The following PUS10 variants were observed in gnomAD, a reference collection of about 807,000 sequenced individuals.
The protein encoded by PUS10 is pseudouridine synthase 10.
PUS10 carries 59 observed loss-of-function variants against 75.0 expected under a neutral mutation model. The ratio of observed to expected loss-of-function variants is 0.79; its 90% CI spans 0.64 to 0.98. The LOEUF (loss-of-function observed/expected upper bound fraction) is 0.98, where lower values mean the gene tolerates loss of function less well. Among genes scored for constraint, PUS10 ranks in the 50% least tolerant of loss-of-function variants. The probability of loss-of-function intolerance (pLI) is 0.00; values close to 1 mark genes in which losing one functional copy is unlikely to be tolerated. For missense variants in PUS10, 650 were observed against 614.4 expected (o/e 1.06, Z -0.61); for synonymous variants, 219 against 211.6 (o/e 1.03, Z -0.30).
chr2:61,002,800 T>G (rs975822061), intron 4 of PUS10, among the ~76,000 whole-genome samples: 1 of 152,228 alleles, frequency 6.6e-6, no homozygotes, highest in Non-Finnish European at 1.5e-5. Flanking sequence ...TAATCTCAAA[T>G]TTATTATTAA....
rs548045011 is a variant in PUS10 at position 60,956,563 on chromosome 2, C to G, written c.1001-1489G>C. 7.8e-4 allele frequency among the ~76,000 whole-genome samples: 119 copies of G among 152,312 alleles called. 1 individual carries two copies. Among genetic ancestry groups the G allele is most frequent in the African/African-American group, 2.8e-3 (115 of 41,568 alleles). On this transcript the variant is annotated intron_variant, in intron 11 of 17. Coordinates refer to ENST00000316752, the MANE Select transcript of PUS10 (RefSeq NM_144709.4). ...AATTCATAAGTCAGCCATAAAACTTCCCACAAATTCCAGCCCATCAGTAAG... is the reference window on the plus strand; with the variant it reads ...AATTCATAAGTCAGCCATAAAACTTGCCACAAATTCCAGCCCATCAGTAAG...
Position 60,955,059 on chromosome 2 carries a change from G to A in PUS10, c.1016C>T (p.Ser339Phe). The change falls in exon 12 of 18, where the codon TCC becomes TTC. Residue 339 changes from serine (S) to phenylalanine (F), a missense_variant. Physicochemically the swap from Ser to Phe is radical, Grantham distance 155 (BLOSUM62 -2). Transcript: ENST00000316752. ...CACATCTACATCTTCTCTTCCAGAG[G>A]ATGAAAAATTAAAACCTTTGAAAAG... ...VFKAESFNFSSSGREDVDVRT... is the reference protein window; with the variant it reads ...VFKAESFNFSFSGREDVDVRT... 2 of 1,593,166 alleles carry A rather than the reference G, an allele frequency of 1.3e-6. No homozygotes were observed. Among genetic ancestry groups the A allele is most frequent in the Non-Finnish European group, 1.7e-6 (2 of 1,170,056 alleles).
intron 4 of PUS10, among the ~76,000 whole-genome samples, chr2:60,974,806 T>C (rs865965069): frequency 2.0e-5 from 3 of 152,244 alleles, no homozygotes; most frequent in South Asian, 2.1e-4. Context: ...GACCCCATGC[T>C]CACTCACACA....
intron 4 of PUS10, among the ~76,000 whole-genome samples, chr2:61,000,416 T>C (rs1207039708): frequency 1.3e-5 from 2 of 152,156 alleles, no homozygotes; most frequent in Non-Finnish European, 2.9e-5. Flanking sequence ...AATTTAGTGG[T>C]TTAAAACAAC....
At chr2:61,016,783 C>A (rs1248276492) in intron 1 of PUS10, among the ~76,000 whole-genome samples, 1 of 152,142 alleles carries the variant, frequency 6.6e-6, no homozygotes, top group Non-Finnish European at 1.5e-5. Flanking sequence ...GAAAAACTAG[C>A]GAAATGACCA....
At position 61,011,802 on chromosome 2, in the gene PUS10, C is replaced by G; in HGVS notation, c.89G>C (p.Gly30Ala). 1.2e-6 allele frequency: 2 copies of G among 1,607,954 alleles called. No individual in the cohort carries two copies. The highest frequency in any genetic ancestry group is 1.7e-6 in the Non-Finnish European group (2 of 1,177,186). Residue 30 changes from glycine (G) to alanine (A), a missense_variant, in exon 2 of 18, where the codon GGT becomes GCT. Gly to Ala is a moderately conservative substitution (Grantham distance 60, BLOSUM62 0). Coordinates refer to ENST00000316752, the MANE Select transcript of PUS10 (RefSeq NM_144709.4). ...TTTGTAAGGTGCATGAAAATCCACA[C>G]CACAGAATCTGAAGATACATCTTGG... The part of the protein sequence containing the change: ...TCPRCIFRFC[G>A]VDFHAPYKLP...
intron 4 of PUS10, among the ~76,000 whole-genome samples, chr2:60,989,448 G>A (rs887742904): frequency 6.6e-6 from 1 of 152,086 alleles, no homozygotes; most frequent in Admixed American, 6.6e-5. Flanking sequence ...GAAAGATGAT[G>A]ACATACACAC....
At chr2:60,943,671 C>A (rs766577397) in intron 17 of PUS10, among the ~76,000 whole-genome samples, 1 of 151,570 alleles carries the variant, frequency 6.6e-6, no homozygotes, top group Non-Finnish European at 1.5e-5. Context: ...TATTTTTGTT[C>A]TGTTTCAGAA....
In PUS10 at chr2:61,008,370, A is replaced by C. The variant is rs374904864; in HGVS notation, c.381+391T>G. Among the ~76,000 whole-genome samples the C allele has an allele frequency of 9.2e-5, 14 of 152,210 alleles. No homozygotes were observed. In the East Asian group the frequency reaches 2.3e-3, roughly 25 times the overall value. ...GAAACCCTGTCTCTACTAAAAATAC[A>C]AAATTAGCCAGGCATGAGGCTGAGG... On this transcript the variant is annotated intron_variant, in intron 3 of 17. Transcript: ENST00000316752.
At chr2:61,002,070 C>G (rs1380428178) in intron 4 of PUS10, among the ~76,000 whole-genome samples, 1 of 152,150 alleles carries the variant, frequency 6.6e-6, no homozygotes, top group Non-Finnish European at 1.5e-5. Context: ...CCCCACCATC[C>G]TTTAGGAAAA....
At chr2:60,975,173 G>C (rs1676955307) in intron 4 of PUS10, among the ~76,000 whole-genome samples, 1 of 152,136 alleles carries the variant, frequency 6.6e-6, no homozygotes, top group South Asian at 2.1e-4. Flanking sequence ...TTGAGACGGA[G>C]CCTCACTCTG....
intron 11 of PUS10, among the ~76,000 whole-genome samples, chr2:60,955,704 A>T (rs1321051932): frequency 1.3e-5 from 2 of 152,216 alleles, no homozygotes; most frequent in East Asian, 3.8e-4. Context: ...CAGAAAAGTT[A>T]GGTAATGTTC....
chr2:61,015,900 G>C (rs541042850), intron 1 of PUS10, among the ~76,000 whole-genome samples: 4 of 152,014 alleles, frequency 2.6e-5, no homozygotes, highest in African/African-American at 9.7e-5. Context: ...GTTACTCTAA[G>C]TTATTTTTTC....
At chr2:61,004,367 G>A (rs1679057424) in intron 4 of PUS10, among the ~76,000 whole-genome samples, 1 of 152,192 alleles carries the variant, frequency 6.6e-6, no homozygotes, top group Non-Finnish European at 1.5e-5. Context: ...GCTCACGCCT[G>A]TAATTCCAGC....
chr2:61,008,244 C>T (rs961285546), intron 3 of PUS10, among the ~76,000 whole-genome samples: 11 of 152,048 alleles, frequency 7.2e-5, no homozygotes, highest in African/African-American at 2.2e-4. Context: ...AAAATTAGGG[C>T]TGGGCACAGT....
At chr2:60,956,818 C>CAA (rs1271835532) in intron 11 of PUS10, among the ~76,000 whole-genome samples, 1 of 150,928 alleles carries the variant, frequency 6.6e-6, no homozygotes, top group Admixed American at 6.6e-5. Context: ...ACTAAAAATA[C>CAA]AAAAAAATTA....
intron 4 of PUS10, among the ~76,000 whole-genome samples, chr2:60,986,405 A>T (rs1176250038): frequency 6.6e-6 from 1 of 152,212 alleles, no homozygotes; most frequent in Non-Finnish European, 1.5e-5. Flanking sequence ...GGTAAACCTC[A>T]TTCCCCATAA....
Position 61,007,215 on chromosome 2 carries a change from GTTTTT to G in PUS10, c.382-577_382-573del, listed in dbSNP as rs758807191. On this transcript the variant is annotated intron_variant, in intron 3 of 17. Transcript: ENST00000316752. ...AGTAATTTGAGAAGAGTAGGCTTTTGTTTTTTTTTTTTTAAAAAAAAGAAAATATT... is the reference window on the plus strand; with the variant it reads ...AGTAATTTGAGAAGAGTAGGCTTTTGTTTTTTTTAAAAAAAAGAAAATATT... Among the ~76,000 whole-genome samples, 346 of 144,560 alleles carry G rather than the reference GTTTTT, an allele frequency of 2.4e-3. 2 individuals are homozygous for G. In the Middle Eastern group the frequency reaches 0.042, roughly 18 times the overall value. 94.8% of individuals were successfully genotyped at this position (144,560 alleles called of 152,430 possible). A position where few individuals can be genotyped will look rare whatever the true frequency, so the allele number is the denominator to read the frequency against.
intron 5 of PUS10, among the ~76,000 whole-genome samples, chr2:60,969,315 C>G (rs1302269950): frequency 4.6e-5 from 7 of 152,160 alleles, no homozygotes; most frequent in Non-Finnish European, 1.0e-4. Flanking sequence ...AGCAAATATA[C>G]TACTTAAAAT....
Sources: allele counts gnomAD v4.1 joint callset (sites outside exome capture counted in the v4.1 genomes callset), GRCh38; gene constraint gnomAD v4.1.1; transcripts MANE v1.5; gene names NCBI Gene and HGNC (gene_info 2026-07-23, HGNC 2026-07-21).